ANK2: variants seen among roughly 807,000 people sequenced by gnomAD.
The protein encoded by ANK2 is ankyrin 2, also known as ankyrin-2.
ANK2 carries 83 observed loss-of-function variants against 360.5 expected under a neutral mutation model. The observed-to-expected ratio is 0.23, with a 90% CI of 0.19 to 0.28. ANK2 has a LOEUF of 0.28. ANK2 is among the 10% of genes least tolerant of loss of function. The pLI is 1.00. For synonymous variants in ANK2, 1,740 were observed against 1,759.5 expected (o/e 0.99, Z 0.28); for missense variants, 4,201 against 4,795.7 (o/e 0.88, Z 3.66).
intron 2 of ANK2, among the ~76,000 whole-genome samples, chr4:112,913,857 C>A (rs2088680633): frequency 6.6e-6 from 1 of 152,116 alleles, no homozygotes; most frequent in African/African-American, 2.4e-5. Flanking sequence ...TAGATAAATA[C>A]AGCATTTTGA....
At chr4:112,900,589 A>G (rs1361230796) in intron 1 of ANK2, among the ~76,000 whole-genome samples, 1 of 152,214 alleles carries the variant, frequency 6.6e-6, no homozygotes, top group Non-Finnish European at 1.5e-5. Context: ...TACAATGTTC[A>G]CTATTTGAAC....
chr4:112,771,911 G>A, the ANK2 span, among the ~76,000 whole-genome samples: 1 of 152,154 alleles, frequency 6.6e-6, no homozygotes, highest in Non-Finnish European at 1.5e-5. Flanking sequence ...AACAAGGCTT[G>A]TTTGTTCAGA....
intron 2 of ANK2, among the ~76,000 whole-genome samples, chr4:112,930,712 C>A (rs1259825842): frequency 1.3e-5 from 2 of 151,906 alleles, no homozygotes; most frequent in Non-Finnish European, 2.9e-5. Flanking sequence ...CATGGTGAAA[C>A]CCCGTCTCTA....
In ANK2 at chr4:113,156,371, C is replaced by CTTTTTTTTTTT. The variant is rs150536846; in HGVS notation, c.85-18035_85-18034insTTTTTTTTTTT. Reference sequence around the variant, plus strand: ...CGTATAGAGTATATGTAGAAAAATTCTTTTTTTTTTGTTTTTGAGACAGAG... The same window carrying CTTTTTTTTTTT: ...CGTATAGAGTATATGTAGAAAAATTCTTTTTTTTTTTTTTTTTTTTTGTTTTTGAGACAGAG... On this transcript the variant is annotated intron_variant, in intron 1 of 45. Transcript: ENST00000357077. Among the ~76,000 whole-genome samples, 695 of 128,382 alleles carry CTTTTTTTTTTT rather than the reference C, an allele frequency of 5.4e-3. 15 individuals carry two copies. Among genetic ancestry groups the CTTTTTTTTTTT allele is most frequent in the African/African-American group, 0.016 (536 of 34,194 alleles). 84.2% of individuals were successfully genotyped at this position (128,382 alleles called of 152,430 possible).
intron 2 of ANK2, among the ~76,000 whole-genome samples, chr4:112,965,208 A>G (rs890218901): frequency 3.3e-5 from 5 of 152,144 alleles, no homozygotes; most frequent in African/African-American, 1.2e-4. Context: ...CCTGGGTGAG[A>G]GTATATCTCA....
At chr4:112,714,709 T>C in the ANK2 span, among the ~76,000 whole-genome samples, 1 of 152,208 alleles carries the variant, frequency 6.6e-6, no homozygotes, top group African/African-American at 2.4e-5. Context: ...ATCGGCTACA[T>C]TGAATATGAG....
chr4:113,215,597 C>T (rs1404076700), intron 4 of ANK2, among the ~76,000 whole-genome samples: 1 of 152,012 alleles, frequency 6.6e-6, no homozygotes, highest in Non-Finnish European at 1.5e-5. Context: ...ATTAACTTTA[C>T]CTTGGTATAA....
chr4:113,053,479 G>A (rs901149154), intron 1 of ANK2, among the ~76,000 whole-genome samples: 5 of 152,282 alleles, frequency 3.3e-5, no homozygotes. Context: ...GAGGAAATGG[G>A]GGCTATTCTA....
the ANK2 span, among the ~76,000 whole-genome samples, chr4:112,742,040 C>T: frequency 6.6e-6 from 1 of 151,896 alleles, no homozygotes; most frequent in Non-Finnish European, 1.5e-5. Flanking sequence ...ACATGTAATC[C>T]CAGTGCTTTG....
intron 1 of ANK2, among the ~76,000 whole-genome samples, chr4:112,854,767 G>T (rs138514328): frequency 6.6e-6 from 1 of 152,146 alleles, no homozygotes; most frequent in South Asian, 2.1e-4. Flanking sequence ...TAGTTTCAGG[G>T]TTTGGCTGAG....
At chr4:113,125,236 C>T (rs1017438331) in intron 1 of ANK2, among the ~76,000 whole-genome samples, 5 of 151,722 alleles carry the variant, frequency 3.3e-5, no homozygotes, top group African/African-American at 7.3e-5. Flanking sequence ...TATTTTTTAG[C>T]GAAAAAACTT....
intron 2 of ANK2, among the ~76,000 whole-genome samples, chr4:113,021,551 T>C (rs377281650): frequency 0.15 from 5,223 of 35,680 alleles, 488 homozygotes; most frequent in African/African-American, 0.25. Context: ...CATATATATA[T>C]ATATATATAT....
At chr4:112,714,762 T>G in the ANK2 span, among the ~76,000 whole-genome samples, 2 of 152,214 alleles carry the variant, frequency 1.3e-5, no homozygotes, top group African/African-American at 4.8e-5. Flanking sequence ...CTTCATTCAC[T>G]ACAAGGTTTG....
At chr4:112,736,965 G>GA in the ANK2 span, among the ~76,000 whole-genome samples, 1 of 152,202 alleles carries the variant, frequency 6.6e-6, no homozygotes, top group Non-Finnish European at 1.5e-5. Flanking sequence ...GTAAGTAGTG[G>GA]TGGTGGTAGT....
rs766894563 is a variant in ANK2, at chr4:113,355,590, A to G, written c.6972A>G (p.Gln2324=). 2 of 1,613,988 alleles carry G rather than the reference A, an allele frequency of 1.2e-6. No individual in the cohort carries two copies. The highest frequency in any genetic ancestry group is 1.3e-5 in the African/African-American group (1 of 74,924). ...GSPKDTSPKR[Q]DDCTGSCSVA... is the part of the protein sequence containing the mutation. ...CCAAAGACACAAGCCCTAAAAGACAAGATGATTGCACAGGCAGCTGTAGTG... is the reference window on the plus strand; with the variant it reads ...CCAAAGACACAAGCCCTAAAAGACAGGATGATTGCACAGGCAGCTGTAGTG... The change falls in exon 38 of 46, where the codon CAA becomes CAG. Residue 2324 remains glutamine, a synonymous_variant. Coordinates refer to ENST00000357077, the MANE Select transcript of ANK2 (RefSeq NM_001148.6).
intron 28 of ANK2, 34 bp downstream of exon 28, chr4:113,332,104 G>A: frequency 2.6e-6 from 4 of 1,538,732 alleles, no homozygotes; most frequent in Non-Finnish European, 2.7e-6. Flanking sequence ...GATGGCTGCT[G>A]GCCCCCCATT....
chr4:112,754,111 GTATATATATATA>G, the ANK2 span, among the ~76,000 whole-genome samples: 16,859 of 111,402 alleles, frequency 0.15, 1,484 homozygotes, highest in Middle Eastern at 0.18. Flanking sequence ...AAAAAAAAAA[GTATATATATATA>G]TATATATATA....
intron 1 of ANK2, among the ~76,000 whole-genome samples, chr4:113,088,858 C>T (rs1270270253): frequency 6.6e-6 from 1 of 152,076 alleles, no homozygotes; most frequent in Admixed American, 6.5e-5. Flanking sequence ...CTCCAGTGTC[C>T]CTTTTCACAC....
intron 1 of ANK2, among the ~76,000 whole-genome samples, chr4:113,087,679 A>C (rs1290540546): frequency 6.6e-6 from 1 of 152,058 alleles, no homozygotes; most frequent in Non-Finnish European, 1.5e-5. Context: ...CCTTGAAGTT[A>C]TATCTATATT....
Sources: gnomAD v4.1 joint callset for allele counts (sites outside exome capture counted in the v4.1 genomes callset) on GRCh38, gnomAD v4.1.1 for gene constraint, MANE v1.5 for transcripts, NCBI Gene and HGNC (gene_info 2026-07-23, HGNC 2026-07-21) for gene names.